Variants in MR1 observed in about 807,000 individuals in gnomAD.
MR1 encodes major histocompatibility complex class I-related protein 1.
A neutral mutation model predicts 37.8 loss-of-function variants in MR1; 44 were observed. That is an observed-to-expected ratio of 1.16 (90% confidence interval 0.91 to 1.50). MR1 has a LOEUF of 1.50. MR1 is among the 40% of genes most tolerant of loss of function. MR1 has a pLI of 0.00. For missense variants in MR1, 386 were observed against 419.1 expected (o/e 0.92, Z 0.69); for synonymous variants, 153 against 155.8 (o/e 0.98, Z 0.13).
rs1192723947 is a variant in MR1 at position 181,050,211 on chromosome 1, A to T, written c.529A>T (p.Asn177Tyr). ...TCAGCATGAGTTGCTGTATCAAAAG[A>T]ATTGGCTGGAAGAAGAATGTATTGC... ...ANQHELLYQK[N>Y]WLEEECIAWL... is the part of the protein sequence containing the mutation. Residue 177 changes from asparagine (N) to tyrosine (Y), a missense_variant, in exon 3 of 6, where the codon AAT becomes TAT. Asn to Tyr is a moderately radical substitution (Grantham distance 143). Coordinates refer to ENST00000367580, the MANE Select transcript of MR1 (RefSeq NM_001385161.1). 1 of 1,614,116 alleles carries T rather than the reference A, an allele frequency of 6.2e-7. No individual in the cohort carries two copies. Among genetic ancestry groups the T allele is most frequent in the African/African-American group, 1.3e-5 (1 of 74,950 alleles).
At chr1:181,049,520 GC>G (rs1658166993) in intron 2 of MR1, 1 of 618,610 alleles carries the variant, frequency 1.6e-6, no homozygotes, top group Non-Finnish European at 2.8e-6. Context: ...TCTGTCATTT[GC>G]CCCACCCACT....
At position 181,034,061 on chromosome 1, in the gene MR1, G is replaced by A. The variant is rs1657146532; in HGVS notation, c.54G>A (p.Lys18=). ...LLPLIIVLMV[K]HSDSRTHSLR... is the part of the protein sequence containing the mutation. ...CTCTCATCATTGTGTTAATGGTGAA[G>A]CACAGCGATTCCCGTGAGTATCCCA... The change falls in exon 1 of 6, where the codon AAG becomes AAA. Residue 18 remains lysine, a synonymous_variant. Transcript: ENST00000367580. 3 of 1,613,294 alleles carry A rather than the reference G, an allele frequency of 1.9e-6. No individual in the cohort carries two copies. Among genetic ancestry groups the A allele is most frequent in the Non-Finnish European group, 2.5e-6 (3 of 1,179,728 alleles).
rs117291932 is a variant in MR1, at chr1:181,046,674, G to A, written c.68-2378G>A. Among the ~76,000 whole-genome samples, 15 of 152,116 alleles carry A rather than the reference G, an allele frequency of 9.9e-5. No homozygotes were observed. The East Asian group carries it at 2.9e-3, about 29-fold the overall frequency. ...CAGCAGTGGCAACCGTCTCGGGTCC[G>A]CTTCCACACTGTGGAAGCTTTGTTG... On this transcript the variant is annotated intron_variant, in intron 1 of 5. Coordinates refer to ENST00000367580, the MANE Select transcript of MR1 (RefSeq NM_001385161.1).
chr1:181,053,425 T>C, intron 4 of MR1, 148 bp from the exon 5 acceptor site: 1 of 594,618 alleles, frequency 1.7e-6, no homozygotes, highest in Non-Finnish European at 3.0e-6. Context: ...CAAGCAGATA[T>C]TCCATTAGTG....
chr1:181,048,858 T>C (rs1338625492), intron 1 of MR1, among the ~76,000 whole-genome samples, 194 bp from the exon 2 acceptor site: 1 of 152,224 alleles, frequency 6.6e-6, no homozygotes, highest in Non-Finnish European at 1.5e-5. Context: ...TCCAAGTCAC[T>C]GGTCTGGAGC....
At chr1:181,046,777 C>T (rs569609156) in intron 1 of MR1, among the ~76,000 whole-genome samples, 4 of 152,050 alleles carry the variant, frequency 2.6e-5, no homozygotes, top group East Asian at 1.9e-4. Flanking sequence ...ACACTCATGG[C>T]GAAGGTCTGC....
At position 181,035,626 on chromosome 1, in the gene MR1, A is replaced by G. The variant is rs566935882; in HGVS notation, c.67+1552A>G. Among the ~76,000 whole-genome samples the G allele has an allele frequency of 2.0e-5, 3 of 152,336 alleles. No individual in the cohort carries two copies. In the South Asian group the frequency reaches 6.2e-4, roughly 32 times the overall value. On this transcript the variant is annotated intron_variant, in intron 1 of 5. Transcript: ENST00000367580. ...GAACTCTCCAATAATATGGAATAATATTCCTTAAACATATTATCTCCTATG... is the reference window on the plus strand; with the variant it reads ...GAACTCTCCAATAATATGGAATAATGTTCCTTAAACATATTATCTCCTATG...
At chr1:181,042,032 T>G (rs1384230223) in intron 1 of MR1, among the ~76,000 whole-genome samples, 1 of 152,034 alleles carries the variant, frequency 6.6e-6, no homozygotes, top group Non-Finnish European at 1.5e-5. Flanking sequence ...TCCTTTTGGG[T>G]CCTCCTTCTT....
Position 181,061,154 on chromosome 1 carries a change from A to T in MR1, c.*5889A>T, listed in dbSNP as rs1257559962. The T allele has an allele frequency of 6.6e-6, 1 of 152,266 alleles. No homozygotes were observed. Among genetic ancestry groups the T allele is most frequent in the Admixed American group, 6.5e-5 (1 of 15,288 alleles). The allele number at this position is 152,266 out of a possible 1,614,324, so 9.4% of individuals were successfully genotyped here. A position where few individuals can be genotyped will look rare whatever the true frequency, so the allele number is the denominator to read the frequency against. On this transcript the variant is annotated 3_prime_UTR_variant, in exon 6 of 6. Transcript: ENST00000367580. ...ATAAAACCCATAATGCCACTCAGCA[A>T]GCCTTGGTTGTAAATCTAGTTTGAT...
chr1:181,036,294 C>A (rs1657265503), intron 1 of MR1, among the ~76,000 whole-genome samples: 1 of 152,126 alleles, frequency 6.6e-6, no homozygotes, highest in South Asian at 2.1e-4. Context: ...AGATGCCCAT[C>A]ATCCTTGTTT....
At chr1:181,044,555 G>A (rs1657751446) in intron 1 of MR1, among the ~76,000 whole-genome samples, 2 of 152,258 alleles carry the variant, frequency 1.3e-5, no homozygotes, top group Admixed American at 1.3e-4. Context: ...CACAGAGCGA[G>A]GAGTGCGTGA....
At chr1:181,049,976 G>T (rs371321800) in intron 2 of MR1, 35 bp from the exon 3 acceptor site, 1 of 1,598,000 alleles carries the variant, frequency 6.3e-7, no homozygotes, top group Admixed American at 1.7e-5. Context: ...CTCTGTCTCT[G>T]TGTGGACCCC....
At chr1:181,039,335 G>T (rs1657434229) in intron 1 of MR1, among the ~76,000 whole-genome samples, 1 of 152,186 alleles carries the variant, frequency 6.6e-6, no homozygotes, top group Admixed American at 6.5e-5. Flanking sequence ...TTTCCCAGTG[G>T]ATCCCTTCTC....
At chr1:181,045,942 C>T (rs1374174808) in intron 1 of MR1, among the ~76,000 whole-genome samples, 4 of 152,236 alleles carry the variant, frequency 2.6e-5, no homozygotes, top group East Asian at 1.9e-4. Flanking sequence ...CCGGCCCTGC[C>T]GGCCCGGGCA....
intron 1 of MR1, among the ~76,000 whole-genome samples, chr1:181,047,715 G>T (rs1045672795): frequency 3.3e-5 from 5 of 151,358 alleles, no homozygotes; most frequent in Admixed American, 2.0e-4. Flanking sequence ...GGTCAATATG[G>T]TGAAACCCCA....
intron 1 of MR1, among the ~76,000 whole-genome samples, chr1:181,034,470 A>G (rs1657168015): frequency 1.2e-5 from 1 of 84,276 alleles, no homozygotes; most frequent in Admixed American, 1.2e-4. Flanking sequence ...GTTCAGGTTT[A>G]TTTATGTTTT....
intron 1 of MR1, among the ~76,000 whole-genome samples, chr1:181,048,789 A>G (rs1481465863): frequency 6.6e-6 from 1 of 152,128 alleles, no homozygotes. Context: ...TATTTTGTCT[A>G]CAAGTTGAGA....
chr1:181,041,678 C>T (rs1269642803), intron 1 of MR1, among the ~76,000 whole-genome samples: 2 of 152,196 alleles, frequency 1.3e-5, no homozygotes, highest in Non-Finnish European at 1.5e-5. Flanking sequence ...AGACTGCTGT[C>T]CCCAGACACC....
intron 1 of MR1, chr1:181,036,989 C>T (rs2102358808): frequency 6.6e-6 from 1 of 152,344 alleles, no homozygotes; most frequent in Non-Finnish European, 1.5e-5. Flanking sequence ...TCTTGTTCTT[C>T]ATTTCAGCCT....
Sources: allele counts gnomAD v4.1 joint callset (sites outside exome capture counted in the v4.1 genomes callset), GRCh38; gene constraint gnomAD v4.1.1; transcripts MANE v1.5; gene names NCBI Gene and HGNC (gene_info 2026-07-23, HGNC 2026-07-21).